Variants in ARHGAP10 observed in about 807,000 individuals in gnomAD.
ARHGAP10 encodes the protein Rho GTPase activating protein 10.
Under a neutral mutation model 108.6 loss-of-function variants are expected in ARHGAP10, and 87 were observed. The observed-to-expected ratio is 0.80, with a 90% confidence interval of 0.67 to 0.96. ARHGAP10 has a LOEUF of 0.96. ARHGAP10 is among the 40% of genes least tolerant of loss of function. The probability of loss-of-function intolerance (pLI) is 0.00; values close to 1 mark genes in which losing one functional copy is unlikely to be tolerated. For synonymous variants in ARHGAP10, 347 were observed against 341.1 expected (o/e 1.02, Z -0.19); for missense variants, 939 against 954.5 (o/e 0.98, Z 0.21).
intron 20 of ARHGAP10, among the ~76,000 whole-genome samples, chr4:148,061,581 G>A (rs764886630): frequency 4.0e-5 from 6 of 151,770 alleles, no homozygotes; most frequent in Admixed American, 6.6e-5. Context: ...GGCTGGATAA[G>A]GGAATTGTAA....
At chr4:148,063,342 A>C (rs1037220272) in intron 21 of ARHGAP10, 42 bp downstream of exon 21, 6 of 1,611,686 alleles carry the variant, frequency 3.7e-6, no homozygotes, top group Non-Finnish European at 5.1e-6. Context: ...GTGGCAGCAC[A>C]CACAGGGGGC....
intron 13 of ARHGAP10, among the ~76,000 whole-genome samples, chr4:147,934,679 A>G (rs1737857106): frequency 6.6e-6 from 1 of 152,172 alleles, no homozygotes; most frequent in African/African-American, 2.4e-5. Context: ...TCTACAAAAA[A>G]TAGATTCAGC....
At chr4:147,994,726 G>C (rs1192404702) in intron 18 of ARHGAP10, among the ~76,000 whole-genome samples, 1 of 152,180 alleles carries the variant, frequency 6.6e-6, no homozygotes, top group Non-Finnish European at 1.5e-5. Context: ...GCAATTGTCT[G>C]TCTTTCTCTG....
chr4:147,850,159 G>T (rs1239923848), intron 4 of ARHGAP10, among the ~76,000 whole-genome samples: 4 of 152,064 alleles, frequency 2.6e-5, no homozygotes, highest in African/African-American at 7.2e-5. Flanking sequence ...AGTGCTCTTT[G>T]TCTAGCTAAT....
chr4:147,808,074 C>T (rs890209946), intron 1 of ARHGAP10, among the ~76,000 whole-genome samples: 1 of 152,068 alleles, frequency 6.6e-6, no homozygotes, highest in Non-Finnish European at 1.5e-5. Flanking sequence ...AGTAATCTAC[C>T]GATTTAGAAT....
chr4:147,844,976 C>G (rs542643989), intron 3 of ARHGAP10, among the ~76,000 whole-genome samples: 3 of 152,198 alleles, frequency 2.0e-5, no homozygotes, highest in African/African-American at 7.2e-5. Context: ...CCAGAGCCCA[C>G]AAGGCCCGGC....
rs1741640197 is a variant in ARHGAP10 at position 148,023,281 on chromosome 4, G to A, written c.1735G>A (p.Asp579Asn). Reference sequence around the variant, plus strand: ...TTGGAAGATTTTTCGGACGCCGCCCGATACTACATTCCCTGAGCCCACCTG... The same window carrying A: ...TTGGAAGATTTTTCGGACGCCGCCCAATACTACATTCCCTGAGCCCACCTG... ...NHEKIFRTPP[D>N]TTFPEPTCLS... is the part of the protein sequence containing the mutation. Residue 579 changes from aspartate to asparagine, a missense_variant, in exon 19 of 23, where the codon GAT becomes AAT. Physicochemically the swap from Asp to Asn is conservative, Grantham distance 23 (BLOSUM62 1). Coordinates refer to ENST00000336498, the MANE Select transcript of ARHGAP10 (RefSeq NM_024605.4). 12 of 1,613,854 alleles carry A rather than the reference G, an allele frequency of 7.4e-6. No homozygotes were observed. Among genetic ancestry groups the A allele is most frequent in the East Asian group, 2.2e-5 (1 of 44,888 alleles).
In ARHGAP10 at chr4:148,041,981, G is replaced by A. The variant is rs111368634; in HGVS notation, c.1868-4911G>A. ...GTGCTGTGACTTCAACTCTCTGTGC[G>A]TGACTTTCAGATCAATAAAACTATC... On this transcript the variant is annotated intron_variant, in intron 19 of 22. Transcript: ENST00000336498. 6.1e-3 allele frequency among the ~76,000 whole-genome samples: 933 copies of A among 152,216 alleles called. 7 individuals carry two copies. The highest frequency in any genetic ancestry group is 0.01 in the Non-Finnish European group (701 of 68,012).
intron 18 of ARHGAP10, among the ~76,000 whole-genome samples, chr4:147,990,548 C>T (rs1740228832): frequency 6.6e-6 from 1 of 152,102 alleles, no homozygotes; most frequent in South Asian, 2.1e-4. Context: ...ATCCAAATGC[C>T]CATGAGTGGT....
intron 18 of ARHGAP10, among the ~76,000 whole-genome samples, chr4:148,011,540 T>C (rs779356809): frequency 8.5e-5 from 13 of 152,222 alleles, no homozygotes; most frequent in Non-Finnish European, 1.6e-4. Context: ...GCAAACAAGC[T>C]AGAGACTGTA....
intron 13 of ARHGAP10, 124 bp from the exon 14 acceptor site, chr4:147,939,695 TCAAAGG>T: frequency 1.2e-6 from 1 of 815,812 alleles, no homozygotes; most frequent in Admixed American, 2.2e-5. Flanking sequence ...CTTGATTTTT[TCAAAGG>T]TTATTTTTAT....
At chr4:147,799,312 G>A (rs1255278860) in intron 1 of ARHGAP10, among the ~76,000 whole-genome samples, 1 of 151,944 alleles carries the variant, frequency 6.6e-6, no homozygotes, top group Non-Finnish European at 1.5e-5. Flanking sequence ...ATGCTGGGAT[G>A]GCCTCTCTTT....
intron 1 of ARHGAP10, among the ~76,000 whole-genome samples, chr4:147,754,060 A>AG (rs1282478477): frequency 6.6e-6 from 1 of 152,136 alleles, no homozygotes; most frequent in Non-Finnish European, 1.5e-5. Flanking sequence ...TGGCTTACTG[A>AG]GGGCAGTGTC....
chr4:147,766,820 ATATATATATATATATATATTTATT>A lies in ARHGAP10; in HGVS notation c.154+34369_154+34392del, dbSNP rs1560746912. 1.4e-3 allele frequency among the ~76,000 whole-genome samples: 16 copies of A among 11,430 alleles called. No homozygotes were observed. In the South Asian group the frequency reaches 0.13, roughly 91 times the overall value. 7.5% of individuals were successfully genotyped at this position (11,430 alleles called of 152,430 possible). A position where few individuals can be genotyped will look rare whatever the true frequency, so the allele number is the denominator to read the frequency against. On this transcript the variant is annotated intron_variant, in intron 1 of 22. Coordinates refer to ENST00000336498, the MANE Select transcript of ARHGAP10 (RefSeq NM_024605.4). ...TTCACATATATATATATATATATATATATATATATATATATATATTTATTTATTTATTTATTTATTTTATGATGG... is the reference window on the plus strand; with the variant it reads ...TTCACATATATATATATATATATATATATTTATTTATTTATTTTATGATGG...
At chr4:147,874,302 G>T (rs1413597644) in intron 7 of ARHGAP10, among the ~76,000 whole-genome samples, 1 of 152,158 alleles carries the variant, frequency 6.6e-6, no homozygotes, top group Non-Finnish European at 1.5e-5. Flanking sequence ...CGGTGGTGCT[G>T]ACTCGTCACA....
chr4:147,760,524 C>T (rs1238770022), intron 1 of ARHGAP10, among the ~76,000 whole-genome samples: 5 of 152,068 alleles, frequency 3.3e-5, no homozygotes, highest in Non-Finnish European at 7.4e-5. Context: ...AGGGGCCATA[C>T]TTTTCTAAGT....
intron 19 of ARHGAP10, among the ~76,000 whole-genome samples, chr4:148,036,843 C>T (rs1308233810): frequency 6.6e-6 from 1 of 152,148 alleles, no homozygotes; most frequent in East Asian, 1.9e-4. Flanking sequence ...GTGTACTGGT[C>T]ATTCCATGTA....
At chr4:148,038,442 G>A (rs989500720) in intron 19 of ARHGAP10, among the ~76,000 whole-genome samples, 1 of 152,182 alleles carries the variant, frequency 6.6e-6, no homozygotes, top group African/African-American at 2.4e-5. Context: ...GGTTCTTCCT[G>A]TAGATTTTCT....
intron 7 of ARHGAP10, among the ~76,000 whole-genome samples, chr4:147,873,499 A>C (rs1449185252): frequency 6.6e-6 from 1 of 151,776 alleles, no homozygotes; most frequent in Non-Finnish European, 1.5e-5. Flanking sequence ...ATGACCAAGG[A>C]GGGGAATAAA....
Sources: gnomAD v4.1 joint callset for allele counts (sites outside exome capture counted in the v4.1 genomes callset) on GRCh38, gnomAD v4.1.1 for gene constraint, MANE v1.5 for transcripts, NCBI Gene and HGNC (gene_info 2026-07-23, HGNC 2026-07-21) for gene names.